EXOC6B: variants seen among roughly 807,000 people sequenced by gnomAD.
EXOC6B encodes the protein SEC15 homolog B.
In EXOC6B, 54 loss-of-function variants were observed where a neutral mutation model predicts 113.5. That is an observed-to-expected ratio of 0.48 (90% CI 0.38 to 0.60). The LOEUF is 0.60. Ranked by LOEUF, EXOC6B falls within the 20% of genes least tolerant of loss-of-function variation. The pLI, the probability that EXOC6B is intolerant of heterozygous loss-of-function variation, is 0.00. For missense variants in EXOC6B, 797 were observed against 977.5 expected (o/e 0.82, Z 2.46); for synonymous variants, 357 against 339.0 (o/e 1.05, Z -0.58).
At chr2:72,460,766 T>G (rs1369310289) in intron 18 of EXOC6B, among the ~76,000 whole-genome samples, 1 of 152,094 alleles carries the variant, frequency 6.6e-6, no homozygotes, top group Non-Finnish European at 1.5e-5. Context: ...GGTGGGACTG[T>G]AAACTAGTTC....
At chr2:72,782,155 A>G (rs1174117998) in intron 1 of EXOC6B, among the ~76,000 whole-genome samples, 1 of 150,686 alleles carries the variant, frequency 6.6e-6, no homozygotes, top group Non-Finnish European at 1.5e-5. Flanking sequence ...AAAAAAAAAA[A>G]GAAAAGAAAA....
chr2:72,208,149 A>T (rs986508608), intron 20 of EXOC6B, among the ~76,000 whole-genome samples: 1 of 152,060 alleles, frequency 6.6e-6, no homozygotes, highest in Non-Finnish European at 1.5e-5. Flanking sequence ...GGTATATTAC[A>T]CAATGCTGAG....
intron 20 of EXOC6B, among the ~76,000 whole-genome samples, chr2:72,210,858 G>A (rs1440046643): frequency 2.6e-5 from 4 of 152,180 alleles, no homozygotes; most frequent in East Asian, 1.9e-4. Context: ...AAGGTCAGTC[G>A]GCTGTGGACT....
chr2:72,649,503 T>A (rs572934971), intron 6 of EXOC6B, among the ~76,000 whole-genome samples: 1 of 151,866 alleles, frequency 6.6e-6, no homozygotes, highest in South Asian at 2.1e-4. Flanking sequence ...CCCACAAAAA[T>A]TAAATTTTTT....
chr2:72,752,162 A>G (rs1241418529), intron 1 of EXOC6B, among the ~76,000 whole-genome samples: 2 of 152,174 alleles, frequency 1.3e-5, no homozygotes, highest in Non-Finnish European at 2.9e-5. Context: ...TGCCTTTCAC[A>G]ATAAATGGTG....
intron 1 of EXOC6B, among the ~76,000 whole-genome samples, chr2:72,822,123 T>C (rs1189337547): frequency 6.6e-6 from 1 of 152,042 alleles, no homozygotes; most frequent in Non-Finnish European, 1.5e-5. Flanking sequence ...AAAGGAAAAG[T>C]AGAGATATAG....
chr2:72,756,654 A>T (rs1682429271), intron 1 of EXOC6B, among the ~76,000 whole-genome samples: 1 of 152,196 alleles, frequency 6.6e-6, no homozygotes, highest in Non-Finnish European at 1.5e-5. Context: ...CCTGTTAAAC[A>T]TTTTATATTC....
intron 1 of EXOC6B, among the ~76,000 whole-genome samples, chr2:72,781,867 A>G (rs2104993800): frequency 6.6e-6 from 1 of 152,192 alleles, no homozygotes; most frequent in Admixed American, 6.5e-5. Context: ...GGCCAGGCGC[A>G]GTGGTTCGCA....
intron 1 of EXOC6B, among the ~76,000 whole-genome samples, chr2:72,806,200 C>A (rs1685566745): frequency 6.6e-6 from 1 of 152,106 alleles, no homozygotes; most frequent in African/African-American, 2.4e-5. Flanking sequence ...ACTGAGTAGT[C>A]CACAGTGTCT....
chr2:72,725,589 A>C (rs375798881), intron 5 of EXOC6B, among the ~76,000 whole-genome samples: 1 of 152,084 alleles, frequency 6.6e-6, no homozygotes, highest in Non-Finnish European at 1.5e-5. Context: ...ATGGGGTTTC[A>C]CCATGTTAGC....
At chr2:72,554,252 C>T (rs554560400) in intron 8 of EXOC6B, among the ~76,000 whole-genome samples, 1 of 152,282 alleles carries the variant, frequency 6.6e-6, no homozygotes, top group Non-Finnish European at 1.5e-5. Flanking sequence ...ACTTTCCACT[C>T]AATGCAAAAC....
At chr2:72,201,985 A>G (rs1679521765) in intron 20 of EXOC6B, among the ~76,000 whole-genome samples, 1 of 152,220 alleles carries the variant, frequency 6.6e-6, no homozygotes, top group Non-Finnish European at 1.5e-5. Flanking sequence ...GCTTGGTATC[A>G]TTCTCAAAGA....
At chr2:72,703,852 A>T (rs1344844926) in intron 6 of EXOC6B, among the ~76,000 whole-genome samples, 1 of 146,722 alleles carries the variant, frequency 6.8e-6, no homozygotes, top group Non-Finnish European at 1.5e-5. Context: ...CTAGATATAC[A>T]ATCATGTCGT....
chr2:72,612,954 C>G (rs1190542901), intron 6 of EXOC6B, among the ~76,000 whole-genome samples: 1 of 152,128 alleles, frequency 6.6e-6, no homozygotes, highest in Non-Finnish European at 1.5e-5. Flanking sequence ...ATGCAGCTAG[C>G]TCAGTAGCAT....
intron 18 of EXOC6B, among the ~76,000 whole-genome samples, chr2:72,390,160 T>C (rs1419129158): frequency 6.6e-6 from 1 of 152,212 alleles, no homozygotes; most frequent in African/African-American, 2.4e-5. Flanking sequence ...GCTATGTCTT[T>C]TAAGTTCTCC....
At chr2:72,656,183 A>G (rs1674558806) in intron 6 of EXOC6B, among the ~76,000 whole-genome samples, 1 of 152,150 alleles carries the variant, frequency 6.6e-6, no homozygotes, top group African/African-American at 2.4e-5. Flanking sequence ...TGGTTATAAC[A>G]GTATGCAATA....
intron 6 of EXOC6B, among the ~76,000 whole-genome samples, chr2:72,606,788 T>A (rs1463744819): frequency 1.3e-5 from 2 of 151,950 alleles, no homozygotes; most frequent in African/African-American, 4.8e-5. Context: ...TTTTTGTATT[T>A]TTAGTAGGGA....
intron 7 of EXOC6B, among the ~76,000 whole-genome samples, chr2:72,560,306 A>G (rs1573393690): frequency 6.6e-6 from 1 of 152,166 alleles, no homozygotes; most frequent in East Asian, 1.9e-4. Context: ...TAGGGATTTA[A>G]TAATAAAAGG....
chr2:72,412,162 A>G (rs1694227799), intron 18 of EXOC6B, among the ~76,000 whole-genome samples: 1 of 152,196 alleles, frequency 6.6e-6, no homozygotes, highest in Non-Finnish European at 1.5e-5. Flanking sequence ...AAAAATCTCA[A>G]CAGTAACAAG....
Sources: allele counts gnomAD v4.1 joint callset (sites outside exome capture counted in the v4.1 genomes callset), GRCh38; gene constraint gnomAD v4.1.1; transcripts MANE v1.5; gene names NCBI Gene and HGNC (gene_info 2026-07-23, HGNC 2026-07-21).